The following DMGDH variants were observed in gnomAD, a reference collection of about 807,000 sequenced individuals.
DMGDH encodes dimethylglycine dehydrogenase, also known as dimethylglycine dehydrogenase, mitochondrial.
DMGDH carries 76 observed loss-of-function variants against 95.2 expected under a neutral mutation model. The observed-to-expected ratio is 0.80, with a 90% confidence interval of 0.66 to 0.97. The LOEUF (loss-of-function observed/expected upper bound fraction) is 0.97, where lower values mean the gene tolerates loss of function less well. Among genes scored for constraint, DMGDH ranks in the 50% least tolerant of loss-of-function variants. The pLI is 0.00. For synonymous variants in DMGDH, 345 were observed against 377.6 expected, an observed-to-expected ratio of 0.91 and a Z score of 1.00; for missense variants, 987 against 1,055.0, an observed-to-expected ratio of 0.94 and a Z score of 0.89.
intron 2 of DMGDH, among the ~76,000 whole-genome samples, chr5:79,058,726 G>A (rs79370071): frequency 0.071 from 10,817 of 152,198 alleles, 851 homozygotes; most frequent in African/African-American, 0.18. Context: ...TTAAGAATTT[G>A]TAAATCTTTC....
intron 6 of DMGDH, among the ~76,000 whole-genome samples, chr5:79,042,785 C>T (rs1434593005): frequency 6.7e-6 from 1 of 149,576 alleles, no homozygotes; most frequent in Non-Finnish European, 1.5e-5. Context: ...TAAAAAAAAA[C>T]TATAATTTGG....
At chr5:79,048,216 T>G (rs893017532) in intron 5 of DMGDH, among the ~76,000 whole-genome samples, 1 of 152,158 alleles carries the variant, frequency 6.6e-6, no homozygotes, top group East Asian at 1.9e-4. Flanking sequence ...GCTTATTTAC[T>G]ACCCATAATA....
chr5:79,017,972 A>C (rs942967725), intron 14 of DMGDH, among the ~76,000 whole-genome samples: 1 of 152,246 alleles, frequency 6.6e-6, no homozygotes, highest in Non-Finnish European at 1.5e-5. Context: ...AAACATCCCA[A>C]ATATTTATCA....
intron 7 of DMGDH, among the ~76,000 whole-genome samples, chr5:79,039,050 A>G (rs1180546909): frequency 6.6e-6 from 1 of 150,692 alleles, no homozygotes; most frequent in African/African-American, 2.5e-5. Flanking sequence ...TTAAAAAGTC[A>G]GGAAACAACA....
intron 5 of DMGDH, among the ~76,000 whole-genome samples, chr5:79,045,566 A>G (rs1370068439): frequency 6.6e-6 from 1 of 152,146 alleles, no homozygotes; most frequent in Non-Finnish European, 1.5e-5. Flanking sequence ...AGGCACCTTC[A>G]CTGTATAAAG....
chr5:79,052,552 C>T (rs886496304), intron 4 of DMGDH, among the ~76,000 whole-genome samples: 3 of 152,308 alleles, frequency 2.0e-5, no homozygotes, highest in Middle Eastern at 3.4e-3. Context: ...AAATGTCACA[C>T]AGGTGTTTTA....
chr5:79,034,296 G>T (rs966650200), intron 7 of DMGDH, among the ~76,000 whole-genome samples: 2 of 152,224 alleles, frequency 1.3e-5, no homozygotes, highest in African/African-American at 2.4e-5. Flanking sequence ...GAAAGAGGTA[G>T]AAAGGAACAC....
chr5:79,054,500 G>A (rs940233454), intron 3 of DMGDH, 152 bp from the exon 4 acceptor site: 58 of 873,716 alleles, frequency 6.6e-5, no homozygotes, highest in Non-Finnish European at 9.5e-5. Flanking sequence ...CTTATTAAAA[G>A]ACACTTATTC....
chr5:79,069,479 A>T (rs1755484628), intron 1 of DMGDH, 41 bp downstream of exon 1: 1 of 1,208,536 alleles, frequency 8.3e-7, no homozygotes, highest in South Asian at 3.8e-5. Context: ...CCACCCCCGC[A>T]GCCGCCCCGT....
chr5:79,044,097 A>G (rs1335517722), intron 6 of DMGDH, among the ~76,000 whole-genome samples: 1 of 152,216 alleles, frequency 6.6e-6, no homozygotes, highest in Non-Finnish European at 1.5e-5. Flanking sequence ...TCTACCATCA[A>G]CTACATCTTT....
At chr5:79,022,334 T>C (rs1446508535) in intron 14 of DMGDH, among the ~76,000 whole-genome samples, 1 of 152,198 alleles carries the variant, frequency 6.6e-6, no homozygotes, top group African/African-American at 2.4e-5. Context: ...GTTACAAAGC[T>C]TAGTTTGTAA....
At chr5:79,038,509 A>G (rs2112638907) in intron 7 of DMGDH, among the ~76,000 whole-genome samples, 1 of 152,288 alleles carries the variant, frequency 6.6e-6, no homozygotes, top group South Asian at 2.1e-4. Flanking sequence ...ACAGTATAGT[A>G]GTCGCATAAG....
intron 5 of DMGDH, 130 bp downstream of exon 5, chr5:79,051,157 C>T: frequency 1.9e-6 from 2 of 1,045,386 alleles, no homozygotes; most frequent in Non-Finnish European, 2.9e-6. Flanking sequence ...CACTTAGAAA[C>T]AGACAAAATG....
chr5:79,031,000 TG>T lies in DMGDH; in HGVS notation c.1518-3del. The T allele has an allele frequency of 6.2e-7, 1 of 1,614,202 alleles. No homozygotes were observed. The highest frequency in any genetic ancestry group is 8.5e-7 in the Non-Finnish European group (1 of 1,180,020). On this transcript the variant is annotated splice_region_variant and splice_polypyrimidine_tract_variant and intron_variant, in intron 9 of 15. Coordinates refer to ENST00000255189, the MANE Select transcript of DMGDH (RefSeq NM_013391.3). ...CAGTTTGTGCGGCGAAAACTTGGCC[TG>T]AAACACAACATTTAGTGTCATAAAA...
intron 2 of DMGDH, among the ~76,000 whole-genome samples, chr5:79,063,343 T>C (rs1430562085): frequency 1.3e-5 from 2 of 151,968 alleles, no homozygotes; most frequent in Non-Finnish European, 2.9e-5. Context: ...CATCAGAAAA[T>C]GGAAACTTAT....
chr5:79,004,361 A>G (rs1426868325), intron 15 of DMGDH, among the ~76,000 whole-genome samples: 1 of 152,196 alleles, frequency 6.6e-6, no homozygotes, highest in East Asian at 1.9e-4. Context: ...TCTTTGTGTT[A>G]CTGATGAGAT....
intron 7 of DMGDH, among the ~76,000 whole-genome samples, chr5:79,036,583 A>G (rs1336975532): frequency 2.6e-5 from 4 of 152,226 alleles, no homozygotes; most frequent in Non-Finnish European, 5.9e-5. Flanking sequence ...CAAATGTCCA[A>G]AGTAAAATAG....
chr5:79,043,491 T>A (rs1399913496), intron 6 of DMGDH, among the ~76,000 whole-genome samples: 1 of 152,198 alleles, frequency 6.6e-6, no homozygotes, highest in Non-Finnish European at 1.5e-5. Flanking sequence ...AGTGATCATT[T>A]GCTATTATTT....
chr5:79,033,389 C>T lies in DMGDH; in HGVS notation c.1213G>A (p.Gly405Ser), dbSNP rs1173544815. ...IGFGYGIIHA[G>S]GVGKYLSDWI... ...TCACTGAGATATTTCCCTACCCCAC[C>T]AGCGTGGATTATGCCATATCTTTCA... The change falls in exon 8 of 16, where the codon GGT becomes AGT. Residue 405 changes from glycine to serine, a missense_variant. Coordinates refer to ENST00000255189, the MANE Select transcript of DMGDH (RefSeq NM_013391.3). The T allele has an allele frequency of 1.9e-6, 3 of 1,614,158 alleles. No individual in the cohort carries two copies. The highest frequency in any genetic ancestry group is 2.5e-6 in the Non-Finnish European group (3 of 1,180,044).
Sources: gnomAD v4.1 joint callset for allele counts (sites outside exome capture counted in the v4.1 genomes callset) on GRCh38, gnomAD v4.1.1 for gene constraint, MANE v1.5 for transcripts, NCBI Gene and HGNC (gene_info 2026-07-23, HGNC 2026-07-21) for gene names.